SYK: variants seen among roughly 807,000 people sequenced by gnomAD.
SYK encodes tyrosine-protein kinase SYK.
Under a neutral mutation model 77.8 loss-of-function variants are expected in SYK, and 16 were observed. The observed-to-expected ratio is 0.21, with a 90% CI of 0.14 to 0.31. SYK has a LOEUF of 0.31. Ranked by LOEUF, SYK falls within the 10% of genes least tolerant of loss-of-function variation. The pLI, the probability that SYK is intolerant of heterozygous loss-of-function variation, is 1.00. For missense variants in SYK, 529 were observed against 814.4 expected, an observed-to-expected ratio of 0.65 and a Z score of 4.26; for synonymous variants, 312 against 308.7, an observed-to-expected ratio of 1.01 and a Z score of -0.11.
At chr9:90,845,816 C>A (rs1826571691) in intron 3 of SYK, among the ~76,000 whole-genome samples, 1 of 152,200 alleles carries the variant, frequency 6.6e-6, no homozygotes, top group African/African-American at 2.4e-5. Context: ...AATGAACACT[C>A]TTTTTGGGCA....
chr9:90,897,935 A>G lies in SYK; in HGVS notation c.*2335A>G, dbSNP rs2119024108. The G allele has an allele frequency of 4.4e-6, 1 of 227,382 alleles. No homozygotes were observed. Among genetic ancestry groups the G allele is most frequent in the East Asian group, 6.3e-5 (1 of 15,756 alleles). The allele number at this position is 227,382 out of a possible 1,614,324, so 14.1% of individuals were successfully genotyped here. On this transcript the variant is annotated 3_prime_UTR_variant, in exon 14 of 14. Transcript: ENST00000375754. ...AGGGCAAATAGAGAAAGGTAACCTA[A>G]TTGAAGGATTGGTCATGTGAAAAGG...
intron 1 of SYK, among the ~76,000 whole-genome samples, chr9:90,824,794 T>G (rs1263679899): frequency 6.6e-6 from 1 of 151,334 alleles, no homozygotes; most frequent in Non-Finnish European, 1.5e-5. Flanking sequence ...GACTGAACAC[T>G]GTCCCTCTGA....
At chr9:90,886,263 C>T (rs1828571192) in intron 11 of SYK, among the ~76,000 whole-genome samples, 1 of 152,150 alleles carries the variant, frequency 6.6e-6, no homozygotes, top group Admixed American at 6.5e-5. Flanking sequence ...AATGAGATAC[C>T]ATCTTACCCC....
intron 1 of SYK, among the ~76,000 whole-genome samples, chr9:90,841,949 TG>T (rs994031951): frequency 1.7e-4 from 25 of 149,680 alleles, no homozygotes; most frequent in African/African-American, 6.1e-4. Context: ...GTGTGTGTGG[TG>T]TGTGTAGTGT....
intron 1 of SYK, among the ~76,000 whole-genome samples, chr9:90,841,079 GTGTGTGTGGCATGTATGTAGTT>G (rs1003697194): frequency 3.9e-5 from 6 of 151,916 alleles, no homozygotes; most frequent in African/African-American, 1.5e-4. Flanking sequence ...GTACTATGGT[GTGTGTGTGGCATGTATGTAGTT>G]TGTGTGTGGT....
chr9:90,806,709 G>T (rs979625303), intron 1 of SYK, among the ~76,000 whole-genome samples: 3 of 152,112 alleles, frequency 2.0e-5, no homozygotes, highest in African/African-American at 7.2e-5. Flanking sequence ...TAATTCTATG[G>T]TTATTTATTT....
chr9:90,874,578 T>G (rs1182761318), intron 8 of SYK, 94 bp from the exon 9 acceptor site: 4 of 1,411,366 alleles, frequency 2.8e-6, no homozygotes, highest in East Asian at 2.3e-5. Flanking sequence ...GATGCTACTC[T>G]GAGTTCATAT....
At position 90,884,150 on chromosome 9, in the gene SYK, T is replaced by TGTGTATATATATATACACATAC. The variant is rs1554714310; in HGVS notation, c.1582-3588_1582-3587insTATACACATACGTGTATATATA. ...AGTGCCCTACATATATATATGTGTG[T>TGTGTATATATATATACACATAC]GTGTATATATACACACATACACATA... On this transcript the variant is annotated intron_variant, in intron 11 of 13. Transcript: ENST00000375754. Among the ~76,000 whole-genome samples the TGTGTATATATATATACACATAC allele has an allele frequency of 3.4e-3, 240 of 71,484 alleles. 18 individuals carry two copies. Among genetic ancestry groups the TGTGTATATATATATACACATAC allele is most frequent in the African/African-American group, 0.014 (232 of 16,450 alleles). 46.9% of individuals were successfully genotyped at this position (71,484 alleles called of 152,430 possible). A position where few individuals can be genotyped will look rare whatever the true frequency, so the allele number is the denominator to read the frequency against.
chr9:90,871,951 A>G (rs1827743298), intron 7 of SYK, among the ~76,000 whole-genome samples: 1 of 152,198 alleles, frequency 6.6e-6, no homozygotes. Context: ...CTGTTTCCCT[A>G]TCCATAAGCC....
intron 1 of SYK, among the ~76,000 whole-genome samples, chr9:90,838,263 G>C (rs1200032350): frequency 6.6e-6 from 1 of 152,134 alleles, no homozygotes; most frequent in East Asian, 1.9e-4. Context: ...ATGGTGATAT[G>C]GCAGTGAACA....
At chr9:90,869,412 AATTTTT>A (rs1484857364) in intron 7 of SYK, among the ~76,000 whole-genome samples, 6 of 152,224 alleles carry the variant, frequency 3.9e-5, no homozygotes, top group Non-Finnish European at 8.8e-5. Context: ...ATCAACAGAT[AATTTTT>A]AAAAGATCAA....
chr9:90,851,994 A>G (rs1826841780), intron 3 of SYK, among the ~76,000 whole-genome samples: 1 of 152,202 alleles, frequency 6.6e-6, no homozygotes, highest in Non-Finnish European at 1.5e-5. Context: ...AGATAATGTA[A>G]TATTTTAATT....
chr9:90,874,355 T>C (rs906335362), intron 8 of SYK, 64 bp downstream of exon 8: 6 of 1,524,130 alleles, frequency 3.9e-6, no homozygotes, highest in Non-Finnish European at 5.5e-6. Context: ...TGTAAGTTTG[T>C]AGAGTTGGTT....
At chr9:90,884,396 T>C (rs567966302) in intron 11 of SYK, among the ~76,000 whole-genome samples, 2 of 34,202 alleles carry the variant, frequency 5.8e-5, no homozygotes, top group Non-Finnish European at 5.0e-5. Flanking sequence ...TATGCATACA[T>C]ACACATATGT....
At position 90,808,124 on chromosome 9, in the gene SYK, T is replaced by C. The variant is rs796236975; in HGVS notation, c.-42+6231T>C. Among the ~76,000 whole-genome samples, 17 of 152,294 alleles carry C rather than the reference T, an allele frequency of 1.1e-4. 1 individual carries two copies. The highest frequency in any genetic ancestry group is 3.6e-4 in the African/African-American group (15 of 41,552). On this transcript the variant is annotated intron_variant, in intron 1 of 13. Transcript: ENST00000375754. ...GAATGCACTTTTTCTTTTCATTCTT[T>C]CCCTCTCCTTTGCCATTTGCACTGT...
Position 90,813,272 on chromosome 9 carries a change from T to C in SYK, c.-42+11379T>C, listed in dbSNP as rs1323131782. Reference sequence around the variant, plus strand: ...TGATGGTGACCAGAAGGGCTGTTCTTGTGAGTCATTAGGGGATGGGCCGCT... The same window carrying C: ...TGATGGTGACCAGAAGGGCTGTTCTCGTGAGTCATTAGGGGATGGGCCGCT... On this transcript the variant is annotated intron_variant, in intron 1 of 13. Coordinates refer to ENST00000375754, the MANE Select transcript of SYK (RefSeq NM_003177.7). 5.3e-5 allele frequency among the ~76,000 whole-genome samples: 8 copies of C among 152,094 alleles called. No homozygotes were observed. In the East Asian group the frequency reaches 1.4e-3, roughly 26 times the overall value.
intron 3 of SYK, among the ~76,000 whole-genome samples, chr9:90,861,132 G>A (rs1341399744): frequency 2.0e-5 from 3 of 152,136 alleles, no homozygotes; most frequent in African/African-American, 4.8e-5. Context: ...TGGGGGATTC[G>A]CACCCATTTC....
rs765750196 is a variant in SYK, at chr9:90,877,492, G to C, written c.1182-79G>C. The stretch of plus-strand genomic sequence containing the variant: ...TTCCGTGGGACTGTTTCCACAGGGG[G>C]ATTATGCTTCACAGGATAAGATTAT... On this transcript the variant is annotated intron_variant, in intron 9 of 13. Coordinates refer to ENST00000375754, the MANE Select transcript of SYK (RefSeq NM_003177.7). 8.1e-6 allele frequency: 12 copies of C among 1,483,946 alleles called. No individual in the cohort carries two copies. The South Asian group carries it at 1.5e-4, about 18-fold the overall frequency. The allele number at this position is 1,483,946 out of a possible 1,614,324, so 91.9% of individuals were successfully genotyped here.
chr9:90,896,016 G>A lies in SYK; in HGVS notation c.*416G>A, dbSNP rs944274595. The A allele has an allele frequency of 4.1e-6, 1 of 241,022 alleles. No homozygotes were observed. The highest frequency in any genetic ancestry group is 8.2e-6 in the Non-Finnish European group (1 of 122,630). 14.9% of individuals were successfully genotyped at this position (241,022 alleles called of 1,614,324 possible). ...CGGCCTTTTCCAAATGCCCAAGGAT[G>A]CCTTAGCATGTGACTCCTGAAGGGA... is the stretch of plus-strand genomic sequence containing the variant. On this transcript the variant is annotated 3_prime_UTR_variant, in exon 14 of 14. Transcript: ENST00000375754.
Sources: gnomAD v4.1 joint callset for allele counts (sites outside exome capture counted in the v4.1 genomes callset) on GRCh38, gnomAD v4.1.1 for gene constraint, MANE v1.5 for transcripts, NCBI Gene and HGNC (gene_info 2026-07-23, HGNC 2026-07-21) for gene names.